Variants in NRG3 observed in about 807,000 individuals in gnomAD.
NRG3 encodes neuregulin 3.
A neutral mutation model predicts 66.9 loss-of-function variants in NRG3; 31 were observed. The ratio of observed to expected loss-of-function variants is 0.46; its 90% confidence interval spans 0.35 to 0.63. NRG3 has a LOEUF of 0.63. Ranked by LOEUF, NRG3 falls within the 20% of genes least tolerant of loss-of-function variation. The pLI, the probability that NRG3 is intolerant of heterozygous loss-of-function variation, is 0.00. For missense variants in NRG3, 910 were observed against 878.9 expected, an observed-to-expected ratio of 1.04 and a Z score of -0.45; for synonymous variants, 393 against 359.4, an observed-to-expected ratio of 1.09 and a Z score of -1.06.
At chr10:82,810,838 A>G (rs1322418952) in intron 3 of NRG3, among the ~76,000 whole-genome samples, 1 of 152,056 alleles carries the variant, frequency 6.6e-6, no homozygotes, top group African/African-American at 2.4e-5. Flanking sequence ...ATAGGGAGAC[A>G]TACAAGATAT....
chr10:82,158,662 T>C (rs2071355353), intron 1 of NRG3, among the ~76,000 whole-genome samples: 1 of 151,856 alleles, frequency 6.6e-6, no homozygotes, highest in Admixed American at 6.6e-5. Flanking sequence ...AAATAAACTC[T>C]CCTCTTACAC....
At chr10:82,707,846 TAAAAAAAA>T (rs373670610) in intron 2 of NRG3, among the ~76,000 whole-genome samples, 28,534 of 82,538 alleles carry the variant, frequency 0.35, 3,622 homozygotes, top group Middle Eastern at 0.53. Flanking sequence ...TCATCTCTAC[TAAAAAAAA>T]AAAAAAAAAA....
At chr10:82,877,789 A>G (rs1368012324) in intron 4 of NRG3, among the ~76,000 whole-genome samples, 1 of 152,170 alleles carries the variant, frequency 6.6e-6, no homozygotes, top group Non-Finnish European at 1.5e-5. Context: ...AGATGTCCCA[A>G]ACATATACAG....
Position 81,927,542 on chromosome 10 carries a change from C to T in NRG3, c.823+51379C>T, listed in dbSNP as rs182945388. ...TAAGTTCAAGAACATTAAAAATCTA[C>T]CCAACTTTACATATTTATTTACTTA... On this transcript the variant is annotated intron_variant, in intron 1 of 8. Transcript: ENST00000372141. Among the ~76,000 whole-genome samples the T allele has an allele frequency of 3.9e-4, 60 of 152,162 alleles. 1 individual carries two copies. Among genetic ancestry groups the T allele is most frequent in the African/African-American group, 1.3e-3 (56 of 41,514 alleles).
At chr10:81,935,344 TTGTGATG>T (rs1219503578) in intron 1 of NRG3, among the ~76,000 whole-genome samples, 2 of 152,164 alleles carry the variant, frequency 1.3e-5, no homozygotes, top group Non-Finnish European at 1.5e-5. Flanking sequence ...TATGAATAAT[TTGTGATG>T]AGTAATTTCC....
At chr10:81,920,908 A>C (rs1201671226) in intron 1 of NRG3, among the ~76,000 whole-genome samples, 2 of 152,090 alleles carry the variant, frequency 1.3e-5, no homozygotes, top group African/African-American at 4.8e-5. Context: ...GTTTCTTCTA[A>C]TGTTTTTCTC....
At chr10:82,545,118 C>G (rs982220847) in intron 2 of NRG3, among the ~76,000 whole-genome samples, 3 of 152,100 alleles carry the variant, frequency 2.0e-5, no homozygotes, top group Non-Finnish European at 4.4e-5. Context: ...ACCTAGAATA[C>G]TCCTTGGAAA....
At chr10:82,868,801 T>G (rs1034000732) in intron 4 of NRG3, among the ~76,000 whole-genome samples, 1 of 152,174 alleles carries the variant, frequency 6.6e-6, no homozygotes, top group African/African-American at 2.4e-5. Context: ...CAAGAGATTC[T>G]CCTGCCTCAG....
intron 1 of NRG3, among the ~76,000 whole-genome samples, chr10:82,103,970 T>G (rs1395146247): frequency 1.3e-5 from 2 of 148,962 alleles, no homozygotes; most frequent in African/African-American, 4.9e-5. Context: ...ATTTTTCTCG[T>G]GCCTTTTTTT....
Position 82,456,116 on chromosome 10 carries a change from AT to A in NRG3, c.953+97251del, listed in dbSNP as rs35989055. ...TATCTTTATTCTTAAGCTTTTTACT[AT>A]TTAAAATATTTTTCTGTCACTTTTT... On this transcript the variant is annotated intron_variant, in intron 2 of 8. Transcript: ENST00000372141. 5.7e-3 allele frequency among the ~76,000 whole-genome samples: 802 copies of A among 141,560 alleles called. 3 individuals are homozygous for A. The highest frequency in any genetic ancestry group is 8.0e-3 in the Non-Finnish European group (522 of 65,194). 92.9% of individuals were successfully genotyped at this position (141,560 alleles called of 152,430 possible).
chr10:81,955,425 C>T (rs888277945), intron 1 of NRG3, among the ~76,000 whole-genome samples: 2 of 151,960 alleles, frequency 1.3e-5, no homozygotes, highest in Non-Finnish European at 2.9e-5. Flanking sequence ...GCAGAAATAC[C>T]AGTGGCCATT....
chr10:82,606,082 ATGCTCTTC>A (rs1200026705), intron 2 of NRG3, among the ~76,000 whole-genome samples: 3 of 152,060 alleles, frequency 2.0e-5, no homozygotes, highest in Admixed American at 6.6e-5. Context: ...TAAAATTAAT[ATGCTCTTC>A]TTTTCTTAGT....
At chr10:82,427,203 A>G (rs1214407782) in intron 2 of NRG3, among the ~76,000 whole-genome samples, 1 of 152,210 alleles carries the variant, frequency 6.6e-6, no homozygotes, top group Non-Finnish European at 1.5e-5. Context: ...TGTCCTAGCT[A>G]GAACCTATAC....
chr10:82,555,621 T>C (rs539059535), intron 2 of NRG3, among the ~76,000 whole-genome samples: 5 of 152,194 alleles, frequency 3.3e-5, no homozygotes, highest in Non-Finnish European at 5.9e-5. Context: ...CCTCAATGTC[T>C]GTCTTCTCAT....
chr10:82,532,401 A>G (rs1307238259), intron 2 of NRG3, among the ~76,000 whole-genome samples: 1 of 150,666 alleles, frequency 6.6e-6, no homozygotes, highest in African/African-American at 2.4e-5. Flanking sequence ...TGTACTATAT[A>G]TATAGTACAA....
At chr10:82,838,936 T>C (rs2062914438) in intron 3 of NRG3, among the ~76,000 whole-genome samples, 1 of 152,068 alleles carries the variant, frequency 6.6e-6, no homozygotes, top group African/African-American at 2.4e-5. Context: ...TGGTGGCAGA[T>C]GAGAGGATGA....
At chr10:82,290,675 C>G (rs2079677156) in intron 1 of NRG3, among the ~76,000 whole-genome samples, 1 of 151,698 alleles carries the variant, frequency 6.6e-6, no homozygotes, top group Non-Finnish European at 1.5e-5. Flanking sequence ...CTCTCTGTCA[C>G]CCAGGCTAGA....
At chr10:82,736,923 G>A (rs996250338) in intron 2 of NRG3, among the ~76,000 whole-genome samples, 8 of 152,238 alleles carry the variant, frequency 5.3e-5, no homozygotes, top group African/African-American at 9.6e-5. Context: ...TACGTAGGAC[G>A]TAATTCATTA....
intron 3 of NRG3, among the ~76,000 whole-genome samples, chr10:82,809,634 T>C (rs952314115): frequency 1.3e-5 from 2 of 152,128 alleles, no homozygotes; most frequent in African/African-American, 4.8e-5. Flanking sequence ...GTTTGTGAGA[T>C]TTGTCCCTGT....
Sources: gnomAD v4.1 joint callset for allele counts (sites outside exome capture counted in the v4.1 genomes callset) on GRCh38, gnomAD v4.1.1 for gene constraint, MANE v1.5 for transcripts, NCBI Gene and HGNC (gene_info 2026-07-23, HGNC 2026-07-21) for gene names.